The following ABCA9 variants were observed in gnomAD, a reference collection of about 807,000 sequenced individuals.
ABCA9 encodes ATP-binding cassette sub-family A member 9.
ABCA9 carries 183 observed loss-of-function variants against 205.3 expected under a neutral mutation model. The observed-to-expected ratio is 0.89, with a 90% CI of 0.79 to 1.01. ABCA9 has a LOEUF of 1.01. ABCA9 is among the 50% of genes least tolerant of loss of function. The probability of loss-of-function intolerance (pLI) is 0.00; values close to 1 mark genes in which losing one functional copy is unlikely to be tolerated. For missense variants in ABCA9, 1,805 were observed against 1,912.4 expected, an observed-to-expected ratio of 0.94 and a Z score of 1.05; for synonymous variants, 651 against 683.3, an observed-to-expected ratio of 0.95 and a Z score of 0.74.
chr17:69,017,553 T>G, intron 21 of ABCA9, 103 bp downstream of exon 21: 1 of 1,297,198 alleles, frequency 7.7e-7, no homozygotes, highest in Non-Finnish European at 1.1e-6. Context: ...ACTATCCCAT[T>G]TGTTTGTGTG....
intron 15 of ABCA9, 33 bp from the exon 16 acceptor site, chr17:69,026,500 G>T: frequency 6.5e-7 from 1 of 1,532,016 alleles, no homozygotes. Flanking sequence ...TAAGTTACAT[G>T]AAGGACTTAT....
intron 10 of ABCA9, among the ~76,000 whole-genome samples, chr17:69,031,444 A>C (rs2071145204): frequency 6.6e-6 from 1 of 152,246 alleles, no homozygotes; most frequent in Admixed American, 6.5e-5. Context: ...TGAAAGAGAT[A>C]TATCAGAAAG....
intron 34 of ABCA9, 45 bp downstream of exon 34, chr17:68,984,840 A>G: frequency 6.2e-7 from 1 of 1,609,272 alleles, no homozygotes; most frequent in African/African-American, 1.3e-5. Context: ...CAGTTTTCAC[A>G]GGATCAATAC....
chr17:68,990,746 C>G, intron 29 of ABCA9, 91 bp downstream of exon 29: 1 of 1,505,524 alleles, frequency 6.6e-7, no homozygotes, highest in Non-Finnish European at 9.0e-7. Context: ...TGAAAGAACC[C>G]CAAGTGTTTT....
intron 28 of ABCA9, among the ~76,000 whole-genome samples, 196 bp downstream of exon 28, chr17:68,991,979 G>A (rs758100879): frequency 6.6e-6 from 1 of 152,096 alleles, no homozygotes; most frequent in Non-Finnish European, 1.5e-5. Flanking sequence ...TGTCTCGTGT[G>A]TGCTAATATG....
At chr17:68,994,120 C>A (rs771445975) in intron 26 of ABCA9, among the ~76,000 whole-genome samples, 1 of 152,218 alleles carries the variant, frequency 6.6e-6, no homozygotes, top group Non-Finnish European at 1.5e-5. Context: ...AGGTGATTCA[C>A]CTGCCTCGGC....
intron 26 of ABCA9, among the ~76,000 whole-genome samples, chr17:68,994,044 T>C (rs556913911): frequency 3.3e-5 from 5 of 152,262 alleles, no homozygotes; most frequent in African/African-American, 1.2e-4. Context: ...CCCTGCTAAT[T>C]TTTGTATTTT....
chr17:69,013,031 T>G (rs1327766081), intron 22 of ABCA9, among the ~76,000 whole-genome samples: 1 of 152,204 alleles, frequency 6.6e-6, no homozygotes, highest in African/African-American at 2.4e-5. Context: ...CCATCTACGT[T>G]GTTGCAAATG....
upstream of ABCA9, among the ~76,000 whole-genome samples, chr17:69,064,297 C>G (rs1005182016): frequency 3.3e-5 from 5 of 152,150 alleles, no homozygotes; most frequent in African/African-American, 1.2e-4. Context: ...AGTTCTGGAT[C>G]AGTATTTTGT....
chr17:69,029,559 T>C (rs1256567417), intron 10 of ABCA9, among the ~76,000 whole-genome samples: 2 of 152,124 alleles, frequency 1.3e-5, no homozygotes, highest in African/African-American at 2.4e-5. Context: ...GGTGAGGAGA[T>C]ACTATGGTGG....
chr17:69,026,534 A>G, intron 15 of ABCA9, 67 bp from the exon 16 acceptor site: 1 of 1,325,760 alleles, frequency 7.5e-7, no homozygotes, highest in South Asian at 1.2e-5. Flanking sequence ...ACAAAACACA[A>G]ATCTATTAAC....
Position 68,997,034 on chromosome 17 carries a change from G to A in ABCA9, c.3436-1020C>T, listed in dbSNP as rs137926213. Among the ~76,000 whole-genome samples the A allele has an allele frequency of 4.8e-3, 725 of 152,252 alleles. 6 individuals are homozygous for A. The highest frequency in any genetic ancestry group is 0.016 in the African/African-American group (668 of 41,556). On this transcript the variant is annotated intron_variant, in intron 25 of 38. Coordinates refer to ENST00000340001, the MANE Select transcript of ABCA9 (RefSeq NM_080283.4). ...CAACCTCCACCTCTCAGGTTCAAGCGATTCTCCTGCCTCAGCCTCCCAAGT... is the reference window on the plus strand; with the variant it reads ...CAACCTCCACCTCTCAGGTTCAAGCAATTCTCCTGCCTCAGCCTCCCAAGT...
the ABCA9 span, among the ~76,000 whole-genome samples, chr17:69,073,788 C>T: frequency 6.6e-6 from 1 of 152,098 alleles, no homozygotes; most frequent in African/African-American, 2.4e-5. Context: ...CCTTAAACTC[C>T]TGGGCTTAAA....
intron 26 of ABCA9, among the ~76,000 whole-genome samples, chr17:68,994,401 C>A (rs914041044): frequency 2.0e-4 from 31 of 152,278 alleles, no homozygotes; most frequent in African/African-American, 7.0e-4. Flanking sequence ...TGCCAAGTGT[C>A]CAACCCTGAT....
chr17:69,010,226 T>A (rs1021099105), intron 23 of ABCA9, among the ~76,000 whole-genome samples: 3 of 151,246 alleles, frequency 2.0e-5, no homozygotes, highest in African/African-American at 7.3e-5. Flanking sequence ...CATGCATAGA[T>A]TTTTAAGATA....
In ABCA9 at chr17:68,976,135, C is replaced by G; in HGVS notation, c.4776G>C (p.Gln1592His). 3 of 1,613,952 alleles carry G rather than the reference C, an allele frequency of 1.9e-6. No homozygotes were observed. In the South Asian group the frequency reaches 3.3e-5, roughly 18 times the overall value. ...EYSLSQSTLE[Q>H]VFLELSKEQE... ...TATAGAATCACTAAAAATGACCCAC[C>G]TGCTCCAGGGTAGACTGTGAGAGGC... The change falls in exon 38 of 39, where the codon CAG (glutamine) becomes CAC (histidine). Residue 1592 changes from glutamine (Q) to histidine (H), a missense_variant and splice_region_variant. Transcript: ENST00000340001.
intron 6 of ABCA9, 140 bp from the exon 7 acceptor site, chr17:69,035,941 A>G: frequency 9.8e-7 from 1 of 1,025,026 alleles, no homozygotes; most frequent in Non-Finnish European, 1.4e-6. Context: ...CTTATCTCCT[A>G]CCCTCAGGAT....
intron 25 of ABCA9, among the ~76,000 whole-genome samples, chr17:69,003,257 A>C (rs1350862962): frequency 6.6e-6 from 1 of 152,040 alleles, no homozygotes; most frequent in South Asian, 2.1e-4. Context: ...GGCTGGTACC[A>C]GTTGTTCCTT....
At chr17:69,033,895 A>G in intron 8 of ABCA9, 22 bp from the exon 9 acceptor site, 1 of 1,543,612 alleles carries the variant, frequency 6.5e-7, no homozygotes, top group Non-Finnish European at 8.8e-7. Context: ...AGATACAGTG[A>G]ATTTTAAAAG....
Sources: allele counts gnomAD v4.1 joint callset (sites outside exome capture counted in the v4.1 genomes callset), GRCh38; gene constraint gnomAD v4.1.1; transcripts MANE v1.5; gene names NCBI Gene and HGNC (gene_info 2026-07-23, HGNC 2026-07-21).